LRMDA: variants seen among roughly 807,000 people sequenced by gnomAD.
The protein encoded by LRMDA is leucine rich melanocyte differentiation associated, also known as leucine-rich melanocyte differentiation-associated protein.
LRMDA carries 18 observed loss-of-function variants against 29.8 expected under a neutral mutation model. The ratio of observed to expected loss-of-function variants is 0.60; its 90% confidence interval spans 0.42 to 0.90. The LOEUF (loss-of-function observed/expected upper bound fraction) is 0.90, where lower values mean the gene tolerates loss of function less well. Ranked by LOEUF, LRMDA falls within the 40% of genes least tolerant of loss-of-function variation. The pLI is 0.00. For synonymous variants in LRMDA, 125 were observed against 109.4 expected, an observed-to-expected ratio of 1.14 and a Z score of -0.89; for missense variants, 273 against 273.9, an observed-to-expected ratio of 1.00 and a Z score of 0.02.
intron 5 of LRMDA, among the ~76,000 whole-genome samples, chr10:76,228,516 G>GT (rs1253712810): frequency 6.6e-6 from 1 of 152,110 alleles, no homozygotes; most frequent in Non-Finnish European, 1.5e-5. Flanking sequence ...GGGTAAAGGG[G>GT]TAAAGGTGAT....
chr10:76,133,272 G>GTC (rs1037824908), intron 5 of LRMDA, among the ~76,000 whole-genome samples: 12 of 151,392 alleles, frequency 7.9e-5, no homozygotes, highest in African/African-American at 2.9e-4. Context: ...TATTTCGTGT[G>GTC]TGTGTGTGTG....
chr10:75,802,963 T>C (rs1843782055), intron 2 of LRMDA, among the ~76,000 whole-genome samples: 1 of 128,946 alleles, frequency 7.8e-6, no homozygotes, highest in African/African-American at 3.5e-5. Flanking sequence ...TGTATATATA[T>C]ATATATATAT....
At chr10:75,601,377 C>T (rs537521769) in intron 2 of LRMDA, 2 of 152,290 alleles carry the variant, frequency 1.3e-5, no homozygotes, top group East Asian at 3.9e-4. Context: ...AATTTGACCC[C>T]TTGGGAACAA....
At chr10:76,550,741 G>A (rs186252999) in intron 6 of LRMDA, among the ~76,000 whole-genome samples, 244 of 152,240 alleles carry the variant, frequency 1.6e-3, no homozygotes, top group African/African-American at 5.5e-3. Context: ...GGCAGATGAA[G>A]GGAAAATATA....
chr10:75,503,240 A>G (rs1316246854), intron 2 of LRMDA, among the ~76,000 whole-genome samples: 1 of 152,130 alleles, frequency 6.6e-6, no homozygotes, highest in Non-Finnish European at 1.5e-5. Flanking sequence ...TCTTTAAAAA[A>G]TAAGTTTGCA....
chr10:76,044,160 A>T (rs1243139306), intron 3 of LRMDA, among the ~76,000 whole-genome samples: 1 of 152,212 alleles, frequency 6.6e-6, no homozygotes, highest in Non-Finnish European at 1.5e-5. Context: ...CCTGATCCAG[A>T]CATGAGTTCT....
chr10:75,551,843 A>AGCCTGGGCAACATAGTGAGACCC (rs1451686873), intron 2 of LRMDA, among the ~76,000 whole-genome samples: 2 of 152,086 alleles, frequency 1.3e-5, no homozygotes, highest in African/African-American at 4.8e-5. Flanking sequence ...GTTTGAGACC[A>AGCCTGGGCAACATAGTGAGACCC]GCCTGGGCAA....
intron 6 of LRMDA, among the ~76,000 whole-genome samples, chr10:76,440,248 T>A (rs1842287693): frequency 6.6e-6 from 1 of 152,222 alleles, no homozygotes. Context: ...CCATGTAAGA[T>A]TTAGATAATA....
intron 2 of LRMDA, among the ~76,000 whole-genome samples, chr10:75,902,311 A>G (rs543600006): frequency 9.4e-4 from 143 of 152,284 alleles, no homozygotes; most frequent in African/African-American, 3.2e-3. Context: ...GGGTAATCAT[A>G]ACATGGTCTA....
chr10:76,033,639 G>A (rs1325778560), intron 2 of LRMDA, among the ~76,000 whole-genome samples: 1 of 152,130 alleles, frequency 6.6e-6, no homozygotes, highest in Non-Finnish European at 1.5e-5. Flanking sequence ...TTTGCATAAC[G>A]TAACTCAGGA....
At chr10:75,797,608 T>C (rs1312378345) in intron 2 of LRMDA, among the ~76,000 whole-genome samples, 1 of 152,214 alleles carries the variant, frequency 6.6e-6, no homozygotes, top group African/African-American at 2.4e-5. Context: ...TTGATTTGCT[T>C]TTTCTAGACA....
chr10:76,075,522 T>C (rs1848942828), intron 5 of LRMDA, among the ~76,000 whole-genome samples: 1 of 152,238 alleles, frequency 6.6e-6, no homozygotes, highest in Admixed American at 6.5e-5. Context: ...ATTTCAGCCC[T>C]GGAAAACTAA....
intron 2 of LRMDA, among the ~76,000 whole-genome samples, chr10:75,466,886 GA>G (rs1267964323): frequency 6.6e-6 from 1 of 150,944 alleles, no homozygotes; most frequent in African/African-American, 2.4e-5. Flanking sequence ...GAAAAGGAAA[GA>G]AAAAATTAAA....
intron 2 of LRMDA, among the ~76,000 whole-genome samples, chr10:75,696,040 A>G (rs919416771): frequency 3.3e-5 from 5 of 152,316 alleles, no homozygotes; most frequent in Admixed American, 2.6e-4. Flanking sequence ...GATAAGATTA[A>G]AAAAATTAAA....
intron 5 of LRMDA, among the ~76,000 whole-genome samples, chr10:76,163,577 C>A (rs1850685680): frequency 6.6e-6 from 1 of 152,042 alleles, no homozygotes; most frequent in Admixed American, 6.6e-5. Flanking sequence ...CAGAAGACAT[C>A]TTTCTATGTA....
intron 2 of LRMDA, among the ~76,000 whole-genome samples, chr10:75,935,666 A>C (rs1473417804): frequency 6.6e-6 from 1 of 152,204 alleles, no homozygotes; most frequent in African/African-American, 2.4e-5. Context: ...AATAATAGGA[A>C]AGATGAGGGT....
At chr10:75,435,956 G>C (rs1399160097) in intron 1 of LRMDA, among the ~76,000 whole-genome samples, 1 of 151,370 alleles carries the variant, frequency 6.6e-6, no homozygotes, top group African/African-American at 2.4e-5. Flanking sequence ...ATGGTGGCTT[G>C]TATCTGCAAT....
intron 5 of LRMDA, among the ~76,000 whole-genome samples, chr10:76,111,419 A>G (rs1849577243): frequency 6.6e-6 from 1 of 152,266 alleles, no homozygotes; most frequent in Non-Finnish European, 1.5e-5. Context: ...GAAGTCAACC[A>G]CTTGCTCCTC....
intron 2 of LRMDA, among the ~76,000 whole-genome samples, chr10:75,864,593 G>A (rs1844989102): frequency 6.6e-6 from 1 of 152,172 alleles, no homozygotes. Flanking sequence ...GTGCAAGACT[G>A]TGTTTTATCT....
Sources: allele counts gnomAD v4.1 joint callset (sites outside exome capture counted in the v4.1 genomes callset), GRCh38; gene constraint gnomAD v4.1.1; transcripts MANE v1.5; gene names NCBI Gene and HGNC (gene_info 2026-07-23, HGNC 2026-07-21).